ANTXR1: variants seen among roughly 807,000 people sequenced by gnomAD.
ANTXR1 encodes the protein ANTXR cell adhesion molecule 1, also known as anthrax toxin receptor 1.
In ANTXR1, 19 loss-of-function variants were observed where a neutral mutation model predicts 78.1. The ratio of observed to expected loss-of-function variants is 0.24; its 90% CI spans 0.17 to 0.36. ANTXR1 has a LOEUF of 0.36. Ranked by LOEUF, ANTXR1 falls within the 10% of genes least tolerant of loss-of-function variation. The pLI is 1.00. For missense variants in ANTXR1, 518 were observed against 718.6 expected, an observed-to-expected ratio of 0.72 and a Z score of 3.19; for synonymous variants, 273 against 260.5, an observed-to-expected ratio of 1.05 and a Z score of -0.46.
intron 9 of ANTXR1, among the ~76,000 whole-genome samples, chr2:69,099,836 A>G (rs1388310900): frequency 1.3e-5 from 2 of 152,318 alleles, no homozygotes; most frequent in African/African-American, 2.4e-5. Flanking sequence ...TCAATCACTC[A>G]ATGAGCTCAT....
rs544257088 is a variant in ANTXR1 at position 69,063,493 on chromosome 2, A to G, written c.297-7154A>G. Among the ~76,000 whole-genome samples the G allele has an allele frequency of 2.6e-5, 4 of 152,230 alleles. No homozygotes were observed. In the East Asian group the frequency reaches 7.7e-4, roughly 29 times the overall value. On this transcript the variant is annotated intron_variant, in intron 3 of 17. Coordinates refer to ENST00000303714, the MANE Select transcript of ANTXR1 (RefSeq NM_032208.3). ...AATGCCTAAGAGAATCATCAGCAGC[A>G]AATCTGCGCTATTAAAAAAAATGCT...
intron 13 of ANTXR1, among the ~76,000 whole-genome samples, chr2:69,165,746 C>T (rs1209718384): frequency 6.6e-6 from 1 of 152,238 alleles, no homozygotes; most frequent in Non-Finnish European, 1.5e-5. Flanking sequence ...AGAATGACAG[C>T]ATCCTTTCTT....
chr2:69,119,209 C>T (rs1275204381), intron 10 of ANTXR1, among the ~76,000 whole-genome samples: 17 of 152,124 alleles, frequency 1.1e-4, no homozygotes, highest in Admixed American at 9.2e-4. Context: ...TGAGGCCAGG[C>T]GCTAACCCAG....
chr2:69,107,916 A>G (rs986488584), intron 10 of ANTXR1, among the ~76,000 whole-genome samples: 5 of 152,240 alleles, frequency 3.3e-5, no homozygotes, highest in African/African-American at 1.2e-4. Context: ...CTAATAATAA[A>G]TCACTATGTA....
chr2:69,223,435 C>T (rs1411614791), intron 17 of ANTXR1, among the ~76,000 whole-genome samples: 1 of 152,154 alleles, frequency 6.6e-6, no homozygotes, highest in African/African-American at 2.4e-5. Context: ...AGATGAAAGT[C>T]CTGAGTTTTC....
rs533500306 is a variant in ANTXR1 at position 69,184,201 on chromosome 2, A to G, written c.1353+1541A>G. On this transcript the variant is annotated intron_variant, in intron 16 of 17. Coordinates refer to ENST00000303714, the MANE Select transcript of ANTXR1 (RefSeq NM_032208.3). ...AAAGAAGTACCATTTCAGGCAGTGT[A>G]GCGAAACGTTATTGGTGGTTACCTT... is the stretch of plus-strand genomic sequence containing the variant. 2.6e-5 allele frequency among the ~76,000 whole-genome samples: 4 copies of G among 152,344 alleles called. No individual in the cohort carries two copies. The East Asian group carries it at 7.7e-4, about 29-fold the overall frequency.
intron 3 of ANTXR1, among the ~76,000 whole-genome samples, chr2:69,064,703 A>G (rs2104179240): frequency 6.6e-6 from 1 of 152,372 alleles, no homozygotes; most frequent in Non-Finnish European, 1.5e-5. Flanking sequence ...TAGAATGGAT[A>G]TTAGACAAAG....
intron 17 of ANTXR1, among the ~76,000 whole-genome samples, chr2:69,211,856 A>G (rs13035541): frequency 0.4 from 60,692 of 151,986 alleles, 12,671 homozygotes; most frequent in East Asian, 0.78. Flanking sequence ...CCAAGACGCT[A>G]TTTCAGCCTA....
intron 10 of ANTXR1, among the ~76,000 whole-genome samples, chr2:69,120,418 C>T (rs536732845): frequency 6.6e-6 from 1 of 152,196 alleles, no homozygotes; most frequent in South Asian, 2.1e-4. Flanking sequence ...GTAATCCCAG[C>T]ACTTTGGGAG....
At position 69,044,812 on chromosome 2, in the gene ANTXR1, A is replaced by G. The variant is rs1222198631; in HGVS notation, c.295A>G (p.Arg99Gly). ...AACCTTAATGAAACTGACAGAAGAC[A>G]GGTAAGGATACTTCTTATCTCTGTT... The part of the protein sequence containing the change: ...GTTLMKLTED[R>G]EQIRQGLEEL... The change falls in exon 3 of 18, where the codon AGA becomes GGA. Residue 99 changes from arginine to glycine, a missense_variant and splice_region_variant. This residue lies in a region of ANTXR1 where 264 missense variants were observed against 391.8 expected (regional missense o/e 0.67). Coordinates refer to ENST00000303714, the MANE Select transcript of ANTXR1 (RefSeq NM_032208.3). 1.1e-5 allele frequency: 17 copies of G among 1,613,620 alleles called. No homozygotes were observed. The highest frequency in any genetic ancestry group is 2.2e-5 in the South Asian group (2 of 91,084).
At position 69,245,426 on chromosome 2, in the gene ANTXR1, G is replaced by T; in HGVS notation, c.1636G>T (p.Ala546Ser). The change falls in exon 18 of 18, where the codon GCT becomes TCT. Residue 546 changes from alanine to serine, a missense_variant. This residue lies in a region of ANTXR1 where 192 missense variants were observed against 230.2 expected (regional missense o/e 0.83). Transcript: ENST00000303714. ...TTCCACCCTTCCCCCTCCTCCCCAG[G>T]CTCCACCTCCCAACAGGGCACCTCC... ...PPSTLPPPPQ[A>S]PPPNRAPPPS... The T allele has an allele frequency of 6.6e-7, 1 of 1,508,866 alleles. No homozygotes were observed. The highest frequency in any genetic ancestry group is 8.9e-7 in the Non-Finnish European group (1 of 1,119,084). 93.5% of individuals were successfully genotyped at this position (1,508,866 alleles called of 1,614,324 possible).
intron 17 of ANTXR1, among the ~76,000 whole-genome samples, chr2:69,224,685 C>T (rs1353852051): frequency 6.6e-6 from 1 of 152,178 alleles, no homozygotes; most frequent in Non-Finnish European, 1.5e-5. Flanking sequence ...TCAGATACAG[C>T]TGCTCTTCCA....
chr2:69,220,884 G>A (rs1405595642), intron 17 of ANTXR1, among the ~76,000 whole-genome samples: 1 of 152,136 alleles, frequency 6.6e-6, no homozygotes, highest in East Asian at 1.9e-4. Flanking sequence ...CTCTTAAAAA[G>A]ATTGTTATTA....
chr2:69,122,599 T>A (rs150543816), intron 10 of ANTXR1, among the ~76,000 whole-genome samples: 6 of 152,304 alleles, frequency 3.9e-5, no homozygotes, highest in South Asian at 2.1e-4. Flanking sequence ...TTTTTGTTTT[T>A]TTATTATTAT....
intron 1 of ANTXR1, among the ~76,000 whole-genome samples, chr2:69,026,870 G>A (rs1043895743): frequency 6.6e-6 from 1 of 152,214 alleles, no homozygotes. Context: ...AAAGCCTGAA[G>A]AAAGTGTCTA....
At chr2:69,156,234 C>T (rs11688982) in intron 13 of ANTXR1, among the ~76,000 whole-genome samples, 151,749 of 152,332 alleles carry the variant, frequency 1, 75,585 homozygotes, top group Middle Eastern at 1. Context: ...TCATATTCAG[C>T]AGACAACCTG....
At chr2:69,139,436 G>C (rs1392520310) in intron 12 of ANTXR1, among the ~76,000 whole-genome samples, 1 of 152,222 alleles carries the variant, frequency 6.6e-6, no homozygotes, top group Non-Finnish European at 1.5e-5. Context: ...ACCTCTTTCA[G>C]GGTTAGAAGT....
intron 13 of ANTXR1, 112 bp from the exon 14 acceptor site, chr2:69,170,136 C>A: frequency 8.6e-7 from 1 of 1,159,844 alleles, no homozygotes; most frequent in Non-Finnish European, 1.3e-6. Flanking sequence ...CTTGCTGGGG[C>A]CATTGCCATG....
At chr2:69,018,100 G>A (rs914389842) in intron 1 of ANTXR1, among the ~76,000 whole-genome samples, 1 of 152,088 alleles carries the variant, frequency 6.6e-6, no homozygotes, top group Non-Finnish European at 1.5e-5. Flanking sequence ...TGGTGGTCTG[G>A]AAGGCAGGAG....
Sources: gnomAD v4.1 joint callset for allele counts (sites outside exome capture counted in the v4.1 genomes callset) on GRCh38, gnomAD v4.1.1 for gene constraint, gnomAD v4.1.1 regional missense constraint, MANE v1.5 for transcripts, NCBI Gene and HGNC (gene_info 2026-07-23, HGNC 2026-07-21) for gene names.